LRRC4C: variants seen among roughly 807,000 people sequenced by gnomAD.
LRRC4C encodes the protein leucine rich repeat containing 4C.
Under a neutral mutation model 33.6 loss-of-function variants are expected in LRRC4C, and 5 were observed. That is an observed-to-expected ratio of 0.15 (90% CI 0.08 to 0.31). The LOEUF is 0.31. Among genes scored for constraint, LRRC4C ranks in the 10% least tolerant of loss-of-function variants. The pLI, the probability that LRRC4C is intolerant of heterozygous loss-of-function variation, is 1.00. For synonymous variants in LRRC4C, 329 were observed against 302.0 expected (o/e 1.09, Z -0.93); for missense variants, 560 against 796.7 (o/e 0.70, Z 3.58).
At chr11:40,709,838 C>T (rs1289622330) in intron 2 of LRRC4C, among the ~76,000 whole-genome samples, 1 of 152,166 alleles carries the variant, frequency 6.6e-6, no homozygotes, top group Non-Finnish European at 1.5e-5. Context: ...TCAAATGTAG[C>T]TTTGGTCGTT....
intron 2 of LRRC4C, among the ~76,000 whole-genome samples, chr11:40,924,131 T>C (rs1957315420): frequency 1.3e-5 from 2 of 150,988 alleles, no homozygotes; most frequent in Admixed American, 6.6e-5. Context: ...TGTATATATA[T>C]ATATATGTAT....
At chr11:40,336,737 G>T (rs1240973914) in intron 3 of LRRC4C, among the ~76,000 whole-genome samples, 1 of 152,048 alleles carries the variant, frequency 6.6e-6, no homozygotes, top group East Asian at 1.9e-4. Context: ...AGCACTTTGG[G>T]AGGCCAAGAT....
intron 1 of LRRC4C, among the ~76,000 whole-genome samples, chr11:41,262,945 T>C (rs945597754): frequency 6.6e-6 from 1 of 152,144 alleles, no homozygotes. Flanking sequence ...TGCTTTCATA[T>C]CACATTATCT....
At chr11:40,672,424 G>C (rs1422733845) in intron 2 of LRRC4C, among the ~76,000 whole-genome samples, 1 of 152,002 alleles carries the variant, frequency 6.6e-6, no homozygotes, top group Non-Finnish European at 1.5e-5. Flanking sequence ...CCATAGCAGT[G>C]GTTCTAACAA....
At chr11:40,525,300 G>A (rs951730650) in intron 3 of LRRC4C, among the ~76,000 whole-genome samples, 4 of 152,060 alleles carry the variant, frequency 2.6e-5, no homozygotes, top group African/African-American at 9.7e-5. Context: ...AAAAAAATTA[G>A]TCAGGTGTGG....
At chr11:40,949,188 G>A (rs1367488960) in intron 1 of LRRC4C, among the ~76,000 whole-genome samples, 1 of 152,058 alleles carries the variant, frequency 6.6e-6, no homozygotes, top group Non-Finnish European at 1.5e-5. Flanking sequence ...GTCTGTTCAT[G>A]TCCTTCGCCC....
chr11:40,979,397 T>C (rs1219928298), intron 1 of LRRC4C, among the ~76,000 whole-genome samples: 1 of 152,240 alleles, frequency 6.6e-6, no homozygotes, highest in African/African-American at 2.4e-5. Flanking sequence ...AACAAATGAA[T>C]TAGAATACCT....
chr11:40,340,571 T>C (rs1946823040), intron 3 of LRRC4C, among the ~76,000 whole-genome samples: 1 of 152,204 alleles, frequency 6.6e-6, no homozygotes, highest in Admixed American at 6.5e-5. Flanking sequence ...TAATAACCTT[T>C]ATCAATGGCT....
intron 2 of LRRC4C, among the ~76,000 whole-genome samples, chr11:40,860,505 C>T (rs969368233): frequency 6.6e-6 from 1 of 151,994 alleles, no homozygotes; most frequent in Non-Finnish European, 1.5e-5. Context: ...TCCTTCCTTG[C>T]CTTCTAGTCT....
At chr11:41,323,168 A>T (rs988325997) in intron 1 of LRRC4C, among the ~76,000 whole-genome samples, 6 of 152,262 alleles carry the variant, frequency 3.9e-5, no homozygotes, top group Admixed American at 2.6e-4. Context: ...TCCTATCATT[A>T]TATTTCTTTT....
At chr11:41,138,655 T>C (rs911094920) in intron 1 of LRRC4C, among the ~76,000 whole-genome samples, 4 of 152,206 alleles carry the variant, frequency 2.6e-5, no homozygotes, top group African/African-American at 7.2e-5. Flanking sequence ...AAAATCTAAA[T>C]TGTGAATATC....
At chr11:41,010,517 A>G (rs968475962) in intron 1 of LRRC4C, among the ~76,000 whole-genome samples, 1 of 152,200 alleles carries the variant, frequency 6.6e-6, no homozygotes, top group Non-Finnish European at 1.5e-5. Context: ...ATAGAGCAAG[A>G]AAGTGGAGTT....
At chr11:40,925,929 T>C (rs1344779861) in intron 2 of LRRC4C, among the ~76,000 whole-genome samples, 1 of 152,146 alleles carries the variant, frequency 6.6e-6, no homozygotes, top group South Asian at 2.1e-4. Context: ...TTCTATAACA[T>C]GGTATATGGT....
chr11:40,287,872 A>C (rs563552163), intron 4 of LRRC4C, among the ~76,000 whole-genome samples: 73 of 152,214 alleles, frequency 4.8e-4, no homozygotes, highest in Non-Finnish European at 8.8e-4. Flanking sequence ...AAATGGTCAT[A>C]TCTATTTATA....
chr11:40,554,581 T>C (rs560624078), intron 3 of LRRC4C, among the ~76,000 whole-genome samples: 53 of 152,290 alleles, frequency 3.5e-4, no homozygotes, highest in African/African-American at 1.3e-3. Context: ...TACTGATTCT[T>C]CCAATCCATG....
At position 40,632,359 on chromosome 11, in the gene LRRC4C, C is replaced by A. The variant is rs1043755732; in HGVS notation, c.-270+15783G>T. On this transcript the variant is annotated intron_variant, in intron 3 of 6. Transcript: ENST00000528697. Reference sequence around the variant, plus strand: ...ATTTAGAGAACAGGATGGTAATTTGCGGAACTCAATCAAAGCTTCTGAAAA... The same window carrying A: ...ATTTAGAGAACAGGATGGTAATTTGAGGAACTCAATCAAAGCTTCTGAAAA... Among the ~76,000 whole-genome samples the A allele has an allele frequency of 3.9e-5, 6 of 152,244 alleles. No homozygotes were observed. In the East Asian group the frequency reaches 9.7e-4, roughly 25 times the overall value.
chr11:40,987,553 C>T (rs34673145), intron 1 of LRRC4C, among the ~76,000 whole-genome samples: 56,505 of 147,544 alleles, frequency 0.38, 11,604 homozygotes, highest in South Asian at 0.54. Flanking sequence ...AATCTAGTAT[C>T]GGAGCATGGA....
chr11:40,124,130 T>C (rs896403061), intron 6 of LRRC4C, among the ~76,000 whole-genome samples: 1 of 152,136 alleles, frequency 6.6e-6, no homozygotes, highest in Admixed American at 6.5e-5. Context: ...AGATATCATC[T>C]CACTCAAGTT....
At chr11:40,406,748 C>A (rs985878997) in intron 3 of LRRC4C, among the ~76,000 whole-genome samples, 2 of 152,030 alleles carry the variant, frequency 1.3e-5, no homozygotes, top group Non-Finnish European at 2.9e-5. Context: ...TCACTTGCAA[C>A]TTTGATTTAT....
Sources: gnomAD v4.1 joint callset for allele counts (sites outside exome capture counted in the v4.1 genomes callset) on GRCh38, gnomAD v4.1.1 for gene constraint, MANE v1.5 for transcripts, NCBI Gene and HGNC (gene_info 2026-07-23, HGNC 2026-07-21) for gene names.